OTUD7B: variants seen among roughly 807,000 people sequenced by gnomAD.
OTUD7B encodes the protein OTU deubiquitinase 7B, also known as OTU domain-containing protein 7B.
Under a neutral mutation model 82.2 loss-of-function variants are expected in OTUD7B, and 34 were observed. The observed-to-expected ratio is 0.41, with a 90% CI of 0.31 to 0.55. OTUD7B has a LOEUF of 0.55. Ranked by LOEUF, OTUD7B falls within the 20% of genes least tolerant of loss-of-function variation. OTUD7B has a pLI of 0.20. For synonymous variants in OTUD7B, 398 were observed against 402.7 expected (o/e 0.99, Z 0.14); for missense variants, 944 against 1,062.1 (o/e 0.89, Z 1.55).
chr1:149,952,513 T>C (rs1648342040), intron 7 of OTUD7B, among the ~76,000 whole-genome samples: 1 of 152,208 alleles, frequency 6.6e-6, no homozygotes, highest in Non-Finnish European at 1.5e-5. Flanking sequence ...TACACATACA[T>C]GTGCATATGT....
At chr1:150,008,597 A>G (rs1553786658) in intron 1 of OTUD7B, among the ~76,000 whole-genome samples, 1 of 152,232 alleles carries the variant, frequency 6.6e-6, no homozygotes, top group Non-Finnish European at 1.5e-5. Context: ...ATTAAAAGCA[A>G]GGAATAAGTC....
At chr1:149,947,511 C>T (rs1288375447) in intron 10 of OTUD7B, among the ~76,000 whole-genome samples, 176 bp from the exon 11 acceptor site, 1 of 152,098 alleles carries the variant, frequency 6.6e-6, no homozygotes, top group Non-Finnish European at 1.5e-5. Context: ...ACTTCAACCT[C>T]CCTGAAACTC....
the OTUD7B span, among the ~76,000 whole-genome samples, chr1:150,027,835 T>G: frequency 3.3e-5 from 5 of 152,308 alleles, no homozygotes; most frequent in East Asian, 9.6e-4. Flanking sequence ...CTGAGAGATT[T>G]TAAGTAGAAT....
At chr1:150,051,493 A>G in the OTUD7B span, among the ~76,000 whole-genome samples, 2 of 152,006 alleles carry the variant, frequency 1.3e-5, no homozygotes, top group Admixed American at 1.3e-4. Context: ...GTTATTTATT[A>G]TTATTATTAT....
chr1:150,049,745 A>C, the OTUD7B span, among the ~76,000 whole-genome samples: 1 of 147,924 alleles, frequency 6.8e-6, no homozygotes, highest in Non-Finnish European at 1.5e-5. Context: ...GCAAACCACC[A>C]CGCAATTAAT....
At chr1:150,025,207 A>C in the OTUD7B span, among the ~76,000 whole-genome samples, 20,157 of 152,066 alleles carry the variant, frequency 0.13, 1,851 homozygotes, top group East Asian at 0.33. Flanking sequence ...GGATCACCTG[A>C]GGTCACGCGT....
At chr1:150,011,992 A>G (rs1653089922), upstream of OTUD7B, among the ~76,000 whole-genome samples, 2 of 152,214 alleles carry the variant, frequency 1.3e-5, no homozygotes, top group East Asian at 3.8e-4. Flanking sequence ...ACAATCGAAA[A>G]TTTAGGGCTG....
At chr1:149,964,483 T>C in intron 5 of OTUD7B, 134 bp from the exon 6 acceptor site, 1 of 735,766 alleles carries the variant, frequency 1.4e-6, no homozygotes, top group Non-Finnish European at 2.2e-6. Flanking sequence ...CCCCCTGCCT[T>C]ACCCTCCCAA....
chr1:150,047,293 C>A, the OTUD7B span, among the ~76,000 whole-genome samples: 19 of 152,126 alleles, frequency 1.2e-4, no homozygotes, highest in African/African-American at 4.1e-4. Context: ...GGTTTTTGCT[C>A]AATGTTCATT....
chr1:149,944,244 C>T lies in OTUD7B; in HGVS notation c.2145G>A (p.Leu715=). The T allele has an allele frequency of 6.2e-7, 1 of 1,612,332 alleles. No homozygotes were observed. The change falls in exon 12 of 12, where the codon TTG becomes TTA. Residue 715 remains leucine (L), a synonymous_variant. Transcript: ENST00000581312. Reference sequence around the variant, plus strand: ...GGCCCCCGACACATGGACCCCCTGCCAACTGCCTCCGGGGTTCCTGGCAGT... The same window carrying T: ...GGCCCCCGACACATGGACCCCCTGCTAACTGCCTCCGGGGTTCCTGGCAGT... ...GVHCQEPRRQ[L]AGGPCVGGLP...
At chr1:150,018,943 A>G in the OTUD7B span, among the ~76,000 whole-genome samples, 1 of 152,116 alleles carries the variant, frequency 6.6e-6, no homozygotes, top group African/African-American at 2.4e-5. Flanking sequence ...AACACTCAGC[A>G]AGACAGTATG....
chr1:150,049,788 T>C, the OTUD7B span, among the ~76,000 whole-genome samples: 652 of 152,192 alleles, frequency 4.3e-3, 4 homozygotes, highest in African/African-American at 0.015. Context: ...GGTTTTACCA[T>C]GTGCTCAGGC....
At chr1:149,993,522 A>C (rs1651737457) in intron 1 of OTUD7B, among the ~76,000 whole-genome samples, 1 of 152,254 alleles carries the variant, frequency 6.6e-6, no homozygotes, top group Admixed American at 6.5e-5. Flanking sequence ...AAAGATGAAG[A>C]GGAAATTTTA....
chr1:149,964,484 A>C lies in OTUD7B; in HGVS notation c.605-135T>G, dbSNP rs1238950018. The C allele has an allele frequency of 6.9e-6, 5 of 723,512 alleles. No homozygotes were observed. In the East Asian group the frequency reaches 1.4e-4, roughly 20 times the overall value. 44.8% of individuals were successfully genotyped at this position (723,512 alleles called of 1,614,324 possible). ...TGGCCTCAAGTGACCCCCCTGCCTT[A>C]CCCTCCCAAAGTGCTGGGATTATAG... On this transcript the variant is annotated intron_variant, in intron 5 of 11. Transcript: ENST00000581312.
intron 6 of OTUD7B, chr1:149,963,428 T>C (rs1332891652): frequency 1.3e-5 from 2 of 152,206 alleles, no homozygotes; most frequent in Admixed American, 6.5e-5. Flanking sequence ...AGGTAGTCAG[T>C]AAGTATGGGC....
At chr1:149,947,712 A>G (rs1400826364) in intron 10 of OTUD7B, among the ~76,000 whole-genome samples, 2 of 152,118 alleles carry the variant, frequency 1.3e-5, no homozygotes, top group Non-Finnish European at 2.9e-5. Flanking sequence ...GGTTATTTTT[A>G]AAAAGCCATA....
At chr1:149,972,860 C>A (rs2101843302) in intron 2 of OTUD7B, among the ~76,000 whole-genome samples, 1 of 152,326 alleles carries the variant, frequency 6.6e-6, no homozygotes, top group East Asian at 1.9e-4. Context: ...GTCTTCCTAA[C>A]AATCCACATG....
chr1:150,007,078 A>T (rs1652718535), intron 1 of OTUD7B, among the ~76,000 whole-genome samples: 1 of 152,054 alleles, frequency 6.6e-6, no homozygotes, highest in African/African-American at 2.4e-5. Flanking sequence ...TGCCCAACCC[A>T]CATTCTCTAC....
chr1:149,998,346 A>G (rs1392118695), intron 1 of OTUD7B, among the ~76,000 whole-genome samples: 1 of 152,212 alleles, frequency 6.6e-6, no homozygotes, highest in Non-Finnish European at 1.5e-5. Context: ...ATTTTTCAGT[A>G]TAAGTATAAA....
Sources: allele counts gnomAD v4.1 joint callset (sites outside exome capture counted in the v4.1 genomes callset), GRCh38; gene constraint gnomAD v4.1.1; transcripts MANE v1.5; gene names NCBI Gene and HGNC (gene_info 2026-07-23, HGNC 2026-07-21).